SLC11A2: variants seen among roughly 807,000 people sequenced by gnomAD.
The protein encoded by SLC11A2 is natural resistance-associated macrophage protein 2.
Under a neutral mutation model 68.0 loss-of-function variants are expected in SLC11A2, and 38 were observed. The ratio of observed to expected loss-of-function variants is 0.56; its 90% CI spans 0.43 to 0.73. SLC11A2 has a LOEUF of 0.73. Among genes scored for constraint, SLC11A2 ranks in the 30% least tolerant of loss-of-function variants. The probability of loss-of-function intolerance (pLI) is 0.00; values close to 1 mark genes in which losing one functional copy is unlikely to be tolerated. For missense variants in SLC11A2, 517 were observed against 690.5 expected (o/e 0.75, Z 2.82); for synonymous variants, 242 against 250.6 (o/e 0.97, Z 0.32).
Position 51,005,322 on chromosome 12 carries a change from C to A in SLC11A2, c.298G>T (p.Ala100Ser). ...IESDLQSGAV[A>S]GFKLLWILLL... ...GACTAGATGTTCACCTTAAATCCAG[C>A]CACTGCTCCAGACTGCAAATCGGAT... is the stretch of plus-strand genomic sequence containing the variant. Residue 100 changes from alanine (A) to serine (S), a missense_variant, in exon 4 of 16, where the codon GCT becomes TCT. Physicochemically the swap from Ala to Ser is moderately conservative, Grantham distance 99. Transcript: ENST00000262052. The A allele has an allele frequency of 6.2e-7, 1 of 1,613,798 alleles. No individual in the cohort carries two copies. Among genetic ancestry groups the A allele is most frequent in the East Asian group, 2.2e-5 (1 of 44,884 alleles).
chr12:50,981,047 G>C (rs1939993452), downstream of SLC11A2: 1 of 152,130 alleles, frequency 6.6e-6, no homozygotes, highest in Admixed American at 6.6e-5. Flanking sequence ...AACAATTCAA[G>C]AAAAGTGACG....
At chr12:50,967,948 C>T in the SLC11A2 span, among the ~76,000 whole-genome samples, 13 of 152,176 alleles carry the variant, frequency 8.5e-5, no homozygotes, top group East Asian at 2.1e-3. Context: ...GTTAGCCAGG[C>T]AAGCTGCATG....
At position 51,026,375 on chromosome 12, in the gene SLC11A2, G is replaced by A; in HGVS notation, c.-104C>T. On this transcript the variant is annotated 5_prime_UTR_variant, in exon 1 of 16. Transcript: ENST00000262052. ...CCAGGGCTCCATATTCCGGGAGCCAGCGCCACGCTGGCTAACGCCCTCCCC... is the reference window on the plus strand; with the variant it reads ...CCAGGGCTCCATATTCCGGGAGCCAACGCCACGCTGGCTAACGCCCTCCCC... The A allele has an allele frequency of 7.8e-7, 1 of 1,280,596 alleles. No individual in the cohort carries two copies. Among genetic ancestry groups the A allele is most frequent in the Non-Finnish European group, 1.0e-6 (1 of 983,226 alleles). 79.3% of individuals were successfully genotyped at this position (1,280,596 alleles called of 1,614,324 possible).
rs774849772 is a variant in SLC11A2, at chr12:50,991,648, G to A, written c.1372C>T (p.Leu458Phe). 18 of 1,613,792 alleles carry A rather than the reference G, an allele frequency of 1.1e-5. No homozygotes were observed. Among genetic ancestry groups the A allele is most frequent in the Non-Finnish European group, 1.4e-5 (16 of 1,179,932 alleles). ...ACTGGCCGCAAGCTCGTAAATGTGA[G>A]GATGGGTATGAGAGCAAAGGGAAGC... ...LQLPFALIPI[L>F]TFTSLRPVMS... is the part of the protein sequence containing the mutation. The change falls in exon 14 of 16, where the codon CTC becomes TTC. Residue 458 changes from leucine (L) to phenylalanine (F), a missense_variant. By Grantham distance (22) the Leu-to-Phe change is conservative. Transcript: ENST00000262052.
Position 50,987,752 on chromosome 12 carries a change from T to G in SLC11A2, c.*573A>C. On this transcript the variant is annotated 3_prime_UTR_variant, in exon 16 of 16. Coordinates refer to ENST00000262052, the MANE Select transcript of SLC11A2 (RefSeq NM_000617.3). ...CTTAACTTCCACTGAGAAATTAAAG[T>G]GGAAATAAGTTCAAAGAATCCTAAG... 2.3e-6 allele frequency: 3 copies of G among 1,287,080 alleles called. No individual in the cohort carries two copies. The South Asian group carries it at 3.7e-5, about 16-fold the overall frequency. 79.7% of individuals were successfully genotyped at this position (1,287,080 alleles called of 1,614,324 possible).
At position 51,025,462 on chromosome 12, in the gene SLC11A2, G is replaced by A. The variant is rs151326894; in HGVS notation, c.-39+848C>T. On this transcript the variant is annotated intron_variant, in intron 1 of 15. Coordinates refer to ENST00000262052, the MANE Select transcript of SLC11A2 (RefSeq NM_000617.3). ...AAATCATGCGAACTGGTGGGGCTTC[G>A]GGTTCCAGAAGTCAGTGTAAACATA... Among the ~76,000 whole-genome samples the A allele has an allele frequency of 4.2e-3, 645 of 152,296 alleles. 6 individuals carry two copies. Among genetic ancestry groups the A allele is most frequent in the African/African-American group, 0.014 (577 of 41,562 alleles).
Position 50,992,946 on chromosome 12 carries a change from G to A in SLC11A2, c.1078-17C>T. 6.2e-7 allele frequency: 1 copy of A among 1,613,662 alleles called. No homozygotes were observed. The highest frequency in any genetic ancestry group is 8.5e-7 in the Non-Finnish European group (1 of 1,179,832). On this transcript the variant is annotated splice_polypyrimidine_tract_variant and intron_variant, in intron 11 of 15. Coordinates refer to ENST00000262052, the MANE Select transcript of SLC11A2 (RefSeq NM_000617.3). Reference sequence around the variant, plus strand: ...CACAACACCCTGTGAGAGGCCAAGAGGAAGGATATGATTGTGGCAATAATC... The same window carrying A: ...CACAACACCCTGTGAGAGGCCAAGAAGAAGGATATGATTGTGGCAATAATC...
intron 5 of SLC11A2, among the ~76,000 whole-genome samples, chr12:51,001,682 A>G (rs1942255900): frequency 1.3e-5 from 2 of 152,154 alleles, no homozygotes; most frequent in Admixed American, 6.5e-5. Flanking sequence ...AAAAAGTACA[A>G]AAGTATCCAG....
chr12:50,960,847 T>TC, the SLC11A2 span: 1 of 804,480 alleles, frequency 1.2e-6, no homozygotes, highest in Non-Finnish European at 1.9e-6. Context: ...CATGTGTGGC[T>TC]AATTTTTTTT....
chr12:51,013,442 C>A (rs900374290), intron 1 of SLC11A2, among the ~76,000 whole-genome samples: 5 of 151,844 alleles, frequency 3.3e-5, no homozygotes, highest in Non-Finnish European at 7.4e-5. Context: ...AGGCGCCCAC[C>A]ACCGAGCCCG....
the SLC11A2 span, among the ~76,000 whole-genome samples, chr12:50,964,161 A>C: frequency 3.0e-3 from 455 of 152,350 alleles, 2 homozygotes; most frequent in Non-Finnish European, 5.4e-3. Context: ...AAATTGGGCT[A>C]ATCTATACAT....
At chr12:50,970,473 T>G in the SLC11A2 span, 1 of 1,532,564 alleles carries the variant, frequency 6.5e-7, no homozygotes, top group Non-Finnish European at 8.9e-7. Flanking sequence ...AGGATTACAT[T>G]AGACCACGAT....
downstream of SLC11A2, chr12:50,981,142 GTGT>G (rs1940000108): frequency 1.3e-5 from 2 of 152,144 alleles, no homozygotes; most frequent in Non-Finnish European, 2.9e-5. Context: ...AAGAAATGAT[GTGT>G]TAATATGATG....
chr12:50,984,701 G>A (rs1228059487), downstream of SLC11A2, among the ~76,000 whole-genome samples: 1 of 152,142 alleles, frequency 6.6e-6, no homozygotes, highest in African/African-American at 2.4e-5. Context: ...GGACCATAGA[G>A]GGCCCTGTCC....
chr12:50,999,474 A>C (rs1266712949), intron 6 of SLC11A2, 59 bp from the exon 7 acceptor site: 3 of 1,361,510 alleles, frequency 2.2e-6, no homozygotes, highest in Non-Finnish European at 2.1e-6. Context: ...ACATTGAAAA[A>C]CACTCTCTTC....
downstream of SLC11A2, among the ~76,000 whole-genome samples, chr12:50,983,967 T>TA (rs1223242327): frequency 4.7e-4 from 57 of 122,248 alleles, no homozygotes; most frequent in Middle Eastern, 5.0e-3. Context: ...GACTCCATCT[T>TA]AAAAAAAAAA....
chr12:50,954,316 C>A, the SLC11A2 span: 4 of 434,712 alleles, frequency 9.2e-6, no homozygotes, highest in African/African-American at 6.1e-5. Context: ...TCTATTTTAT[C>A]CATTTCATTA....
chr12:50,982,559 A>C (rs985635171), downstream of SLC11A2, among the ~76,000 whole-genome samples: 1 of 152,154 alleles, frequency 6.6e-6, no homozygotes, highest in African/African-American at 2.4e-5. Flanking sequence ...CCCAGGAGGC[A>C]GAGATTGCAG....
intron 8 of SLC11A2, among the ~76,000 whole-genome samples, chr12:50,998,129 G>T (rs1941893031): frequency 6.6e-6 from 1 of 151,998 alleles, no homozygotes; most frequent in Non-Finnish European, 1.5e-5. Flanking sequence ...AGGCCAAGAT[G>T]GGCAGATTAC....
Sources: allele counts gnomAD v4.1 joint callset (sites outside exome capture counted in the v4.1 genomes callset), GRCh38; gene constraint gnomAD v4.1.1; transcripts MANE v1.5; gene names NCBI Gene and HGNC (gene_info 2026-07-23, HGNC 2026-07-21).